Variants in NEBL observed in about 807,000 individuals in gnomAD.
NEBL encodes the protein nebulette.
NEBL carries 122 observed loss-of-function variants against 140.2 expected under a neutral mutation model. The ratio of observed to expected loss-of-function variants is 0.87; its 90% confidence interval spans 0.75 to 1.01. NEBL has a LOEUF of 1.01. Among genes scored for constraint, NEBL ranks in the 50% least tolerant of loss-of-function variants. The pLI is 0.00. For missense variants in NEBL, 1,365 were observed against 1,231.3 expected (o/e 1.11, Z -1.62); for synonymous variants, 436 against 398.9 (o/e 1.09, Z -1.11).
Position 20,963,003 on chromosome 10 carries a change from A to AACACACACACACAC in NEBL, c.250-1238_250-1225dup, listed in dbSNP as rs35031266. Among the ~76,000 whole-genome samples the AACACACACACACAC allele has an allele frequency of 3.3e-4, 48 of 143,312 alleles. 1 individual carries two copies. The highest frequency in any genetic ancestry group is 9.0e-4 in the South Asian group (4 of 4,446). 94.0% of individuals were successfully genotyped at this position (143,312 alleles called of 152,430 possible). On this transcript the variant is annotated intron_variant, in intron 3 of 6. Transcript: ENST00000417816. The stretch of plus-strand genomic sequence containing the variant: ...TTTTACCAGACAAGCTTGAAAGAAA[A>AACACACACACACAC]ACACACACACACACACACACACACA...
chr10:21,277,523 T>C (rs1184300630), intron 1 of NEBL, among the ~76,000 whole-genome samples: 1 of 152,212 alleles, frequency 6.6e-6, no homozygotes, highest in Non-Finnish European at 1.5e-5. Context: ...AACTTAACCT[T>C]TCTAGGCTTC....
intron 2 of NEBL, among the ~76,000 whole-genome samples, chr10:21,163,208 T>C (rs760692480): frequency 2.8e-4 from 43 of 152,258 alleles, no homozygotes; most frequent in Non-Finnish European, 4.6e-4. Context: ...AAACCCAGTT[T>C]TTTTTCCTAT....
chr10:21,154,528 G>A (rs546803153), intron 2 of NEBL, among the ~76,000 whole-genome samples: 3 of 151,290 alleles, frequency 2.0e-5, no homozygotes, highest in African/African-American at 7.3e-5. Flanking sequence ...CTTTGTGCTC[G>A]TGGGTCTCAA....
At chr10:20,944,564 C>T (rs1835063163) in intron 4 of NEBL, among the ~76,000 whole-genome samples, 1 of 152,146 alleles carries the variant, frequency 6.6e-6, no homozygotes, top group Non-Finnish European at 1.5e-5. Context: ...ACTAATGCAG[C>T]ATGCAAGGCT....
chr10:21,128,486 T>A (rs1260454379), intron 2 of NEBL, among the ~76,000 whole-genome samples: 1 of 152,120 alleles, frequency 6.6e-6, no homozygotes, highest in African/African-American at 2.4e-5. Context: ...CCACATAACC[T>A]TGATTACTGT....
chr10:21,026,884 A>T (rs1833521515), intron 2 of NEBL, among the ~76,000 whole-genome samples: 1 of 152,116 alleles, frequency 6.6e-6, no homozygotes, highest in African/African-American at 2.4e-5. Flanking sequence ...AAACAGCTAA[A>T]CACCTGCTTT....
chr10:20,985,883 G>C (rs1286886410), intron 3 of NEBL, among the ~76,000 whole-genome samples: 1 of 152,010 alleles, frequency 6.6e-6, no homozygotes, highest in African/African-American at 2.4e-5. Flanking sequence ...TTAGAGAATG[G>C]GCCTACAGGT....
intron 1 of NEBL, among the ~76,000 whole-genome samples, chr10:21,261,614 AC>A (rs1314205772): frequency 6.6e-6 from 1 of 151,678 alleles, no homozygotes; most frequent in Admixed American, 6.6e-5. Context: ...ACCATTGCAC[AC>A]CATCCCAGGT....
At chr10:20,803,089 A>G (rs1433974615) in intron 26 of NEBL, among the ~76,000 whole-genome samples, 1 of 152,148 alleles carries the variant, frequency 6.6e-6, no homozygotes, top group Non-Finnish European at 1.5e-5. Flanking sequence ...CCCCACCTCG[A>G]CCACAAGCAG....
At chr10:20,882,692 G>A (rs1846130231) in intron 4 of NEBL, among the ~76,000 whole-genome samples, 1 of 151,788 alleles carries the variant, frequency 6.6e-6, no homozygotes, top group South Asian at 2.1e-4. Context: ...AAGGATTAAT[G>A]TGATAAGTCG....
intron 2 of NEBL, among the ~76,000 whole-genome samples, chr10:20,894,540 A>T (rs1391136729): frequency 6.6e-6 from 1 of 151,998 alleles, no homozygotes; most frequent in Non-Finnish European, 1.5e-5. Flanking sequence ...AAAGGAAAAA[A>T]ATCTAAAAAT....
intron 3 of NEBL, among the ~76,000 whole-genome samples, chr10:21,002,865 A>G (rs1401077387): frequency 6.6e-6 from 1 of 152,124 alleles, no homozygotes; most frequent in Non-Finnish European, 1.5e-5. Context: ...TTGGGTAGGG[A>G]TACAGAGCTA....
In NEBL at chr10:20,949,224, T is replaced by C. The variant is rs577247452; in HGVS notation, c.357+12448A>G. 2.0e-5 allele frequency among the ~76,000 whole-genome samples: 3 copies of C among 152,226 alleles called. No individual in the cohort carries two copies. In the South Asian group the frequency reaches 6.2e-4, roughly 32 times the overall value. On this transcript the variant is annotated intron_variant, in intron 4 of 6. Coordinates refer to the NEBL transcript ENST00000417816. ...GAAAACCAAACACTGCATGTTCTCATTCCTAAGTGGGAGTCATACAACGAG... is the reference window on the plus strand; with the variant it reads ...GAAAACCAAACACTGCATGTTCTCACTCCTAAGTGGGAGTCATACAACGAG...
Position 21,233,759 on chromosome 10 carries a change from T to C in NEBL, n.348+14162A>G, listed in dbSNP as rs11012598. On this transcript the variant is annotated intron_variant and non_coding_transcript_variant, in intron 3 of 8. Transcript: ENST00000675702. ...TATATAGATATATATTACATATAGATATATATTACATATAAATGCATATAT... is the reference window on the plus strand; with the variant it reads ...TATATAGATATATATTACATATAGACATATATTACATATAAATGCATATAT... 7.5e-4 allele frequency among the ~76,000 whole-genome samples: 108 copies of C among 143,268 alleles called. 1 individual carries two copies. The highest frequency in any genetic ancestry group is 2.6e-3 in the African/African-American group (103 of 39,144). The allele number at this position is 143,268 out of a possible 152,430, so 94.0% of individuals were successfully genotyped here.
chr10:21,177,480 C>T (rs1589316757), upstream of NEBL, among the ~76,000 whole-genome samples: 1 of 151,850 alleles, frequency 6.6e-6, no homozygotes, highest in Non-Finnish European at 1.5e-5. Flanking sequence ...ACTTCATCAA[C>T]AACAAGAAAC....
chr10:20,813,680 T>C (rs895606488), intron 23 of NEBL: 3 of 413,720 alleles, frequency 7.3e-6, no homozygotes, highest in Non-Finnish European at 1.3e-5. Context: ...TCTACACAAA[T>C]ATCTTTCACA....
chr10:20,965,015 T>G (rs1211134791), intron 3 of NEBL, among the ~76,000 whole-genome samples: 1 of 152,264 alleles, frequency 6.6e-6, no homozygotes, highest in Non-Finnish European at 1.5e-5. Context: ...CATTGACTTC[T>G]ATGCCCTGAT....
intron 3 of NEBL, among the ~76,000 whole-genome samples, chr10:20,967,670 A>AG (rs1208744810): frequency 6.6e-6 from 1 of 150,490 alleles, no homozygotes; most frequent in African/African-American, 2.4e-5. Context: ...GTATGGTGGG[A>AG]GGGGGCTTGA....
intron 2 of NEBL, among the ~76,000 whole-genome samples, chr10:21,114,515 T>A (rs1838192596): frequency 6.6e-6 from 1 of 152,088 alleles, no homozygotes; most frequent in Non-Finnish European, 1.5e-5. Flanking sequence ...TTATCAAGAG[T>A]AAGGTGTTGA....
Sources: gnomAD v4.1 joint callset for allele counts (sites outside exome capture counted in the v4.1 genomes callset) on GRCh38, gnomAD v4.1.1 for gene constraint, MANE v1.5 for transcripts, NCBI Gene and HGNC (gene_info 2026-07-23, HGNC 2026-07-21) for gene names.